FOXP1: variants seen among roughly 807,000 people sequenced by gnomAD.
FOXP1 encodes forkhead box P1, also known as forkhead box protein P1.
In FOXP1, 15 loss-of-function variants were observed where a neutral mutation model predicts 98.2. The ratio of observed to expected loss-of-function variants is 0.15; its 90% CI spans 0.10 to 0.24. FOXP1 has a LOEUF of 0.24. Ranked by LOEUF, FOXP1 falls within the 10% of genes least tolerant of loss-of-function variation. The pLI is 1.00. For synonymous variants in FOXP1, 371 were observed against 314.5 expected, an observed-to-expected ratio of 1.18 and a Z score of -1.90; for missense variants, 633 against 848.5, an observed-to-expected ratio of 0.75 and a Z score of 3.15.
intron 3 of FOXP1, among the ~76,000 whole-genome samples, chr3:71,367,811 C>T (rs2107959052): frequency 6.6e-6 from 1 of 152,298 alleles, no homozygotes; most frequent in South Asian, 2.1e-4. Flanking sequence ...GACCACCAGT[C>T]CTTTCCAAGA....
chr3:71,413,230 CA>C (rs1306996354), intron 3 of FOXP1, among the ~76,000 whole-genome samples: 4 of 81,898 alleles, frequency 4.9e-5, no homozygotes, highest in African/African-American at 1.1e-4. Flanking sequence ...CACACCCCCC[CA>C]AATAGACACA....
chr3:71,422,394 C>G (rs1242219173), intron 3 of FOXP1, among the ~76,000 whole-genome samples: 1 of 152,198 alleles, frequency 6.6e-6, no homozygotes, highest in Non-Finnish European at 1.5e-5. Flanking sequence ...CTGATTCAGT[C>G]GGTCTGGGGT....
chr3:71,443,274 G>C (rs530015981), intron 3 of FOXP1, among the ~76,000 whole-genome samples: 1 of 152,286 alleles, frequency 6.6e-6, no homozygotes, highest in Admixed American at 6.5e-5. Flanking sequence ...TGTATATTTG[G>C]TGTCATGATA....
At chr3:71,575,822 A>G (rs1425647990) in intron 2 of FOXP1, among the ~76,000 whole-genome samples, 1 of 152,244 alleles carries the variant, frequency 6.6e-6, no homozygotes, top group Non-Finnish European at 1.5e-5. Flanking sequence ...GGGAACCTGG[A>G]GCAGAGAAAG....
intron 6 of FOXP1, among the ~76,000 whole-genome samples, chr3:71,177,372 G>C (rs1358081896): frequency 6.6e-6 from 1 of 152,220 alleles, no homozygotes; most frequent in African/African-American, 2.4e-5. Flanking sequence ...CTTAGTATTT[G>C]CTTTCTGAAC....
chr3:71,014,705 C>A (rs187722240), intron 12 of FOXP1, among the ~76,000 whole-genome samples: 2 of 152,066 alleles, frequency 1.3e-5, no homozygotes, highest in Non-Finnish European at 2.9e-5. Flanking sequence ...ATGTTTATTG[C>A]GGCACTATTC....
intron 3 of FOXP1, among the ~76,000 whole-genome samples, chr3:71,478,416 A>G (rs1337244530): frequency 1.3e-5 from 2 of 152,192 alleles, no homozygotes; most frequent in Non-Finnish European, 2.9e-5. Context: ...TCTCTTGTGA[A>G]GTTTGCCAAG....
At chr3:71,380,834 G>C (rs1355578679) in intron 3 of FOXP1, among the ~76,000 whole-genome samples, 1 of 150,700 alleles carries the variant, frequency 6.6e-6, no homozygotes, top group African/African-American at 2.4e-5. Context: ...TTTTTTGCTG[G>C]TTCTGCTAAC....
chr3:71,240,508 T>C (rs1456866576), intron 5 of FOXP1, among the ~76,000 whole-genome samples: 1 of 152,072 alleles, frequency 6.6e-6, no homozygotes, highest in Non-Finnish European at 1.5e-5. Flanking sequence ...GAAGTTCCTT[T>C]TGAAAATGTC....
chr3:71,362,475 T>C (rs780571255), intron 3 of FOXP1, among the ~76,000 whole-genome samples: 7 of 152,096 alleles, frequency 4.6e-5, no homozygotes, highest in Non-Finnish European at 8.8e-5. Context: ...CCAGCCCTAT[T>C]ATTTACTTTT....
At chr3:71,346,192 A>C (rs2077349728) in intron 4 of FOXP1, among the ~76,000 whole-genome samples, 1 of 152,256 alleles carries the variant, frequency 6.6e-6, no homozygotes, top group African/African-American at 2.4e-5. Context: ...GCGAATGCCA[A>C]GAACAGTCTA....
At chr3:71,474,437 C>A (rs2089637754) in intron 3 of FOXP1, among the ~76,000 whole-genome samples, 3 of 152,170 alleles carry the variant, frequency 2.0e-5, no homozygotes, top group Admixed American at 6.5e-5. Context: ...GGTCCCCAGT[C>A]CCCGGGCCAC....
chr3:71,443,035 G>A (rs2086090155), intron 3 of FOXP1, among the ~76,000 whole-genome samples: 1 of 152,132 alleles, frequency 6.6e-6, no homozygotes, highest in Non-Finnish European at 1.5e-5. Flanking sequence ...GGGATTACAG[G>A]CATGTACCAC....
At chr3:71,557,531 C>T (rs2046230477) in intron 2 of FOXP1, among the ~76,000 whole-genome samples, 1 of 152,186 alleles carries the variant, frequency 6.6e-6, no homozygotes, top group African/African-American at 2.4e-5. Context: ...AGGTGCCCTT[C>T]TGTGTGTCTG....
intron 3 of FOXP1, among the ~76,000 whole-genome samples, chr3:71,463,834 T>C (rs1185600493): frequency 1.3e-5 from 2 of 152,122 alleles, no homozygotes; most frequent in Non-Finnish European, 2.9e-5. Context: ...CAGAGGCATA[T>C]ATTTTGTAAT....
At position 70,956,746 on chromosome 3, in the gene FOXP1, T is replaced by G. The variant is rs2031914431; in HGVS notation, c.*2501A>C. 3 of 170,408 alleles carry G rather than the reference T, an allele frequency of 1.8e-5. No homozygotes were observed. Among genetic ancestry groups the G allele is most frequent in the East Asian group, 7.8e-5 (1 of 12,810 alleles). The allele number at this position is 170,408 out of a possible 1,614,324, so 10.6% of individuals were successfully genotyped here. A position where few individuals can be genotyped will look rare whatever the true frequency, so the allele number is the denominator to read the frequency against. ...TGCCTGGAAAAGTTTTTTTTTTTTT[T>G]TTTTTTTTTTTTTTTTTTTTTTTTT... On this transcript the variant is annotated 3_prime_UTR_variant, in exon 21 of 21. Transcript: ENST00000649528.
At chr3:71,366,416 T>C (rs2078934382) in intron 3 of FOXP1, among the ~76,000 whole-genome samples, 1 of 152,182 alleles carries the variant, frequency 6.6e-6, no homozygotes, top group Non-Finnish European at 1.5e-5. Context: ...GTTAATGTGA[T>C]ATAAAATAAG....
intron 3 of FOXP1, among the ~76,000 whole-genome samples, chr3:71,468,881 C>T (rs1166530787): frequency 1.3e-5 from 2 of 152,288 alleles, no homozygotes; most frequent in African/African-American, 4.8e-5. Flanking sequence ...AAGAGAAAAA[C>T]GAGCAGGACC....
rs2031995588 is a variant in FOXP1 at position 70,957,016 on chromosome 3, CA to C, written c.*2230del. ...CAGTGATCACAGCACAGTTCTTAAA[CA>C]AAAGTGGCATACAATCTAAAAATAT... On this transcript the variant is annotated 3_prime_UTR_variant, in exon 21 of 21. Coordinates refer to ENST00000649528, the MANE Select transcript of FOXP1 (RefSeq NM_001349338.3). 4.5e-6 allele frequency: 1 copy of C among 221,938 alleles called. No homozygotes were observed. Among genetic ancestry groups the C allele is most frequent in the Non-Finnish European group, 9.0e-6 (1 of 111,154 alleles). The allele number at this position is 221,938 out of a possible 1,614,324, so 13.7% of individuals were successfully genotyped here.
Sources: gnomAD v4.1 joint callset for allele counts (sites outside exome capture counted in the v4.1 genomes callset) on GRCh38, gnomAD v4.1.1 for gene constraint, MANE v1.5 for transcripts, NCBI Gene and HGNC (gene_info 2026-07-23, HGNC 2026-07-21) for gene names.